CACNA1C: variants seen among roughly 807,000 people sequenced by gnomAD.
CACNA1C encodes the protein calcium voltage-gated channel subunit alpha1 C.
In CACNA1C, 30 loss-of-function variants were observed where a neutral mutation model predicts 229.0. The observed-to-expected ratio is 0.13, with a 90% CI of 0.10 to 0.18. The LOEUF is 0.18. CACNA1C is among the 10% of genes least tolerant of loss of function. The pLI is 1.00. For missense variants in CACNA1C, 1,658 were observed against 2,845.0 expected (o/e 0.58, Z 9.49); for synonymous variants, 1,114 against 1,132.5 (o/e 0.98, Z 0.33).
At position 2,486,339 on chromosome 12, in the gene CACNA1C, C is replaced by G. The variant is rs2099697103; in HGVS notation, c.916+77C>G. The G allele has an allele frequency of 8.0e-7, 1 of 1,250,710 alleles. No homozygotes were observed. The highest frequency in any genetic ancestry group is 1.5e-5 in the African/African-American group (1 of 67,746). The allele number at this position is 1,250,710 out of a possible 1,614,324, so 77.5% of individuals were successfully genotyped here. A position where few individuals can be genotyped will look rare whatever the true frequency, so the allele number is the denominator to read the frequency against. ...AGCACCTTTCCCGCTGCTGGCTACACCAACATGACCAGCAGAGCCCAGGGA... is the reference window on the plus strand; with the variant it reads ...AGCACCTTTCCCGCTGCTGGCTACAGCAACATGACCAGCAGAGCCCAGGGA... On this transcript the variant is annotated intron_variant, in intron 6 of 46. Coordinates refer to ENST00000399655, the MANE Select transcript of CACNA1C (RefSeq NM_000719.7). This position sits in a 1 kb window ranked among gnomAD's most constrained non-coding sequence, Gnocchi z 4.9.
intron 3 of CACNA1C, among the ~76,000 whole-genome samples, chr12:2,162,828 T>C (rs1296799288): frequency 9.2e-5 from 14 of 152,176 alleles, no homozygotes; most frequent in Admixed American, 9.2e-4. Flanking sequence ...GAAATTTCCT[T>C]GTTGGTATAC....
Position 2,357,663 on chromosome 12 carries a change from T to A in CACNA1C, c.478-91313T>A, listed in dbSNP as rs1277339542. The stretch of plus-strand genomic sequence containing the variant: ...TTTTATTTGTTTGGGTTTTTTTTCC[T>A]TAAAAAAAAAAAAAAAAAAGGAATC... On this transcript the variant is annotated intron_variant, in intron 3 of 46. Transcript: ENST00000399655. Among the ~76,000 whole-genome samples the A allele has an allele frequency of 5.2e-5, 6 of 114,616 alleles. No homozygotes were observed. The East Asian group carries it at 1.5e-3, about 28-fold the overall frequency. The allele number at this position is 114,616 out of a possible 152,430, so 75.2% of individuals were successfully genotyped here.
At chr12:2,332,300 G>A (rs1335056131) in intron 3 of CACNA1C, among the ~76,000 whole-genome samples, 1 of 152,186 alleles carries the variant, frequency 6.6e-6, no homozygotes, top group East Asian at 1.9e-4. Context: ...GCATCTATGT[G>A]AGTGTCTTTC....
chr12:2,441,556 T>G (rs552628261), intron 3 of CACNA1C, among the ~76,000 whole-genome samples: 25 of 152,266 alleles, frequency 1.6e-4, no homozygotes, highest in Non-Finnish European at 3.1e-4. Context: ...AAAATCTCAC[T>G]GTGCCTTTGG....
At chr12:2,059,636 G>A (rs572491964) in intron 1 of CACNA1C, among the ~76,000 whole-genome samples, 4 of 152,150 alleles carry the variant, frequency 2.6e-5, no homozygotes, top group African/African-American at 7.2e-5. Context: ...GCTCTGGTTC[G>A]TTAAAGGGTT....
At chr12:2,498,280 C>T (rs1387615634) in intron 7 of CACNA1C, among the ~76,000 whole-genome samples, 5 of 152,146 alleles carry the variant, frequency 3.3e-5, no homozygotes, top group Admixed American at 6.5e-5. Flanking sequence ...TCTCAGGTAT[C>T]GGAGTAGAGA....
intron 3 of CACNA1C, among the ~76,000 whole-genome samples, chr12:2,179,492 C>T (rs1197411333): frequency 6.6e-6 from 1 of 152,220 alleles, no homozygotes; most frequent in African/African-American, 2.4e-5. Context: ...CCCCTTGCCC[C>T]ACTCGATGCG....
At chr12:2,162,093 T>C (rs574250442) in intron 3 of CACNA1C, among the ~76,000 whole-genome samples, 1 of 152,340 alleles carries the variant, frequency 6.6e-6, no homozygotes, top group East Asian at 1.9e-4. Context: ...AGGTTTGCTA[T>C]GAGTGTTAGG....
chr12:2,482,181 G>A (rs2099678443), intron 5 of CACNA1C, among the ~76,000 whole-genome samples: 3 of 152,272 alleles, frequency 2.0e-5, no homozygotes, highest in African/African-American at 7.2e-5. Flanking sequence ...CGCGAGGAAA[G>A]CAGATGGAAG....
chr12:2,238,417 G>A (rs1566599694), intron 3 of CACNA1C, among the ~76,000 whole-genome samples: 1 of 152,176 alleles, frequency 6.6e-6, no homozygotes, highest in South Asian at 2.1e-4. Context: ...CTGCAGACTC[G>A]GAAGTTTCTC....
rs1296424039 is a variant in CACNA1C at position 2,691,135 on chromosome 12, G to A, written c.6353G>A (p.Arg2118His). The change falls in exon 47 of 47, where the codon CGC becomes CAC. Residue 2118 changes from arginine (R) to histidine (H), a missense_variant. By Grantham distance (29) the Arg-to-His change is conservative (BLOSUM62 0). Coordinates refer to ENST00000399655, the MANE Select transcript of CACNA1C (RefSeq NM_000719.7). ...AGGEEDAGCV[R>H]ARGRPSEEEL... ...GGCGAAGAGGACGCGGGCTGTGTGCGCGCGCGGGGTCGACCGAGTGAGGAG... is the reference window on the plus strand; with the variant it reads ...GGCGAAGAGGACGCGGGCTGTGTGCACGCGCGGGGTCGACCGAGTGAGGAG... 10 of 1,607,512 alleles carry A rather than the reference G, an allele frequency of 6.2e-6. No individual in the cohort carries two copies. In the African/African-American group the frequency reaches 6.7e-5, roughly 11 times the overall value.
intron 3 of CACNA1C, among the ~76,000 whole-genome samples, chr12:2,201,196 T>TC (rs2097571076): frequency 1.3e-5 from 2 of 152,088 alleles, no homozygotes; most frequent in African/African-American, 2.4e-5. Flanking sequence ...ACACACACAG[T>TC]CCCAGGATAG....
chr12:2,478,961 T>C lies in CACNA1C; in HGVS notation c.758-7143T>C, dbSNP rs113403490. Among the ~76,000 whole-genome samples, 651 of 152,290 alleles carry C rather than the reference T, an allele frequency of 4.3e-3. 7 individuals carry two copies. Among genetic ancestry groups the C allele is most frequent in the African/African-American group, 0.015 (626 of 41,562 alleles). On this transcript the variant is annotated intron_variant, in intron 5 of 46. Transcript: ENST00000399655. The stretch of plus-strand genomic sequence containing the variant: ...ACTTTCTACAGCCTGGGTACGCCTG[T>C]CTCTCTCATTACAGAAGGGAGAGAC...
chr12:2,254,673 G>A (rs2076735344), intron 3 of CACNA1C, among the ~76,000 whole-genome samples: 1 of 152,168 alleles, frequency 6.6e-6, no homozygotes, highest in South Asian at 2.1e-4. Flanking sequence ...AAAGAAAAAA[G>A]CCACTCAAAC....
chr12:2,523,392 T>C lies in CACNA1C; in HGVS notation c.1390+10408T>C, dbSNP rs115631221. Among the ~76,000 whole-genome samples, 1,229 of 152,302 alleles carry C rather than the reference T, an allele frequency of 8.1e-3. 21 individuals are homozygous for C. Among genetic ancestry groups the C allele is most frequent in the African/African-American group, 0.028 (1,171 of 41,572 alleles). ...CCTTCAGTTCAGGGTTCCTTGGGAC[T>C]GGCTTAGAGGAGGGTGTTGATCAGC... On this transcript the variant is annotated intron_variant, in intron 9 of 46. Transcript: ENST00000399655.
chr12:2,355,325 T>C (rs948447509), intron 3 of CACNA1C, among the ~76,000 whole-genome samples: 2 of 152,074 alleles, frequency 1.3e-5, no homozygotes, highest in African/African-American at 4.8e-5. Context: ...AGCTGTCCTG[T>C]GTCCCTGAGT....
chr12:2,034,740 C>T lies in CACNA1C; in HGVS notation c.139+63539C>T, dbSNP rs1365630798. 6.6e-6 allele frequency among the ~76,000 whole-genome samples: 1 copy of T among 152,144 alleles called. No homozygotes were observed. The highest frequency in any genetic ancestry group is 1.5e-5 in the Non-Finnish European group (1 of 68,028). ...ACTCACTTCTTCAAAAAACACCTTT[C>T]GGAGTGCCTCCTTCGTGCCAGGCTC... is the stretch of plus-strand genomic sequence containing the variant. On this transcript the variant is annotated intron_variant, in intron 1 of 46. Transcript: ENST00000682462. The surrounding 1 kb of genome is among the most constrained non-coding windows in gnomAD (Gnocchi z 4.1).
chr12:2,113,689 C>T (rs1359000889), intron 1 of CACNA1C, among the ~76,000 whole-genome samples: 8 of 152,172 alleles, frequency 5.3e-5, no homozygotes, highest in East Asian at 1.9e-4. Context: ...CTTGATCCTG[C>T]GGCACCTGGC....
At chr12:2,617,957 T>A (rs1029719513) in intron 29 of CACNA1C, among the ~76,000 whole-genome samples, 19 of 152,238 alleles carry the variant, frequency 1.2e-4, no homozygotes, top group Non-Finnish European at 4.4e-5. Flanking sequence ...CTGGCCTCTT[T>A]GGGCAAATAG....
Sources: gnomAD v4.1 joint callset for allele counts (sites outside exome capture counted in the v4.1 genomes callset) on GRCh38, gnomAD v4.1.1 for gene constraint, Gnocchi (gnomAD v3.1) non-coding constraint, MANE v1.5 for transcripts, NCBI Gene and HGNC (gene_info 2026-07-23, HGNC 2026-07-21) for gene names.